MMP16: variants seen among roughly 807,000 people sequenced by gnomAD.
MMP16 encodes matrix metallopeptidase 16.
MMP16 carries 12 observed loss-of-function variants against 67.8 expected under a neutral mutation model. That is an observed-to-expected ratio of 0.18 (90% CI 0.11 to 0.29). MMP16 has a LOEUF of 0.29. MMP16 is among the 10% of genes least tolerant of loss of function. MMP16 has a pLI of 1.00. For missense variants in MMP16, 475 were observed against 765.7 expected (o/e 0.62, Z 4.48); for synonymous variants, 249 against 255.9 (o/e 0.97, Z 0.26).
intron 6 of MMP16, among the ~76,000 whole-genome samples, chr8:88,101,023 C>A (rs60504591): frequency 4.0e-5 from 6 of 150,812 alleles, no homozygotes; most frequent in Non-Finnish European, 8.9e-5. Context: ...ATATACCTAA[C>A]GATGACAAGT....
At chr8:88,302,974 G>T (rs149757128) in intron 1 of MMP16, among the ~76,000 whole-genome samples, 1 of 152,194 alleles carries the variant, frequency 6.6e-6, no homozygotes, top group Admixed American at 6.5e-5. Context: ...TCCCACTCGG[G>T]AAACCACACT....
At chr8:88,300,837 G>C (rs575714650) in intron 1 of MMP16, among the ~76,000 whole-genome samples, 8 of 151,996 alleles carry the variant, frequency 5.3e-5, no homozygotes, top group African/African-American at 1.9e-4. Context: ...TTTTTTTTAA[G>C]AGCCTGAAGT....
intron 7 of MMP16, among the ~76,000 whole-genome samples, chr8:88,070,952 A>G (rs1808543098): frequency 6.6e-6 from 1 of 152,132 alleles, no homozygotes; most frequent in Non-Finnish European, 1.5e-5. Flanking sequence ...AATATATTAC[A>G]TTATATTCTG....
At chr8:88,131,508 A>G (rs1265567443) in intron 4 of MMP16, among the ~76,000 whole-genome samples, 1 of 151,784 alleles carries the variant, frequency 6.6e-6, no homozygotes, top group Non-Finnish European at 1.5e-5. Flanking sequence ...CACACTATTC[A>G]TAGGAGATAC....
intron 3 of MMP16, among the ~76,000 whole-genome samples, chr8:88,168,677 ATGT>A (rs1415294506): frequency 6.6e-6 from 1 of 152,154 alleles, no homozygotes; most frequent in Non-Finnish European, 1.5e-5. Flanking sequence ...ACTAAATCAG[ATGT>A]TTATTTTTTT....
At chr8:88,116,757 A>C in intron 5 of MMP16, 39 bp from the exon 6 acceptor site, 1 of 1,561,708 alleles carries the variant, frequency 6.4e-7, no homozygotes, top group Non-Finnish European at 8.8e-7. Context: ...CTCACTTAAA[A>C]CTGGAATAGA....
chr8:88,245,448 C>T (rs750490283), intron 1 of MMP16, among the ~76,000 whole-genome samples: 5 of 152,136 alleles, frequency 3.3e-5, no homozygotes, highest in Non-Finnish European at 5.9e-5. Flanking sequence ...CTGAGCTAGG[C>T]GCTCTGAGGC....
At chr8:88,195,677 G>A (rs1586199506) in intron 2 of MMP16, among the ~76,000 whole-genome samples, 1 of 152,116 alleles carries the variant, frequency 6.6e-6, no homozygotes, top group East Asian at 1.9e-4. Flanking sequence ...TGATTAGAGG[G>A]CAGCAGGTCC....
At chr8:88,326,487 G>C (rs779649295) in intron 1 of MMP16, among the ~76,000 whole-genome samples, 2 of 151,946 alleles carry the variant, frequency 1.3e-5, no homozygotes, top group African/African-American at 2.4e-5. Flanking sequence ...CTTAAAAAGA[G>C]ATGGATTTCA....
chr8:88,126,617 C>T (rs2118459368), intron 4 of MMP16, among the ~76,000 whole-genome samples: 1 of 151,954 alleles, frequency 6.6e-6, no homozygotes, highest in East Asian at 2.0e-4. Context: ...AATGCGTTAA[C>T]TAACATGATT....
intron 1 of MMP16, among the ~76,000 whole-genome samples, chr8:88,280,966 T>C (rs377707389): frequency 1.3e-5 from 2 of 152,124 alleles, no homozygotes; most frequent in African/African-American, 2.4e-5. Flanking sequence ...TATCAGTACA[T>C]TGCTATTAGC....
intron 1 of MMP16, among the ~76,000 whole-genome samples, chr8:88,273,058 T>A (rs1810591288): frequency 6.6e-6 from 1 of 151,798 alleles, no homozygotes; most frequent in Admixed American, 6.6e-5. Context: ...GTATCCTTCT[T>A]GCTTTGAATA....
At chr8:88,144,752 A>T (rs545844667) in intron 4 of MMP16, among the ~76,000 whole-genome samples, 73 of 152,106 alleles carry the variant, frequency 4.8e-4, no homozygotes, top group African/African-American at 1.6e-3. Context: ...TAAATAAAAA[A>T]CAAGTTTTTT....
At chr8:88,062,345 G>A (rs924813930) in intron 7 of MMP16, among the ~76,000 whole-genome samples, 11 of 152,066 alleles carry the variant, frequency 7.2e-5, no homozygotes, top group Non-Finnish European at 1.5e-4. Context: ...CTGCTATAAA[G>A]ACATATGCAC....
In MMP16 at chr8:88,135,182, A is replaced by G. The variant is rs550000961; in HGVS notation, c.710-16321T>C. 4.0e-3 allele frequency among the ~76,000 whole-genome samples: 613 copies of G among 151,904 alleles called. 6 individuals carry two copies. Among genetic ancestry groups the G allele is most frequent in the African/African-American group, 0.014 (578 of 41,526 alleles). Reference sequence around the variant, plus strand: ...ACATGCATTTATTCATTAAGCAAACATTTATTGAGTATTAGATTAAGTACA... The same window carrying G: ...ACATGCATTTATTCATTAAGCAAACGTTTATTGAGTATTAGATTAAGTACA... On this transcript the variant is annotated intron_variant, in intron 4 of 9. Transcript: ENST00000286614.
chr8:88,159,719 A>T (rs6983807), intron 4 of MMP16, among the ~76,000 whole-genome samples: 8,400 of 152,154 alleles, frequency 0.055, 364 homozygotes, highest in Admixed American at 0.11. Flanking sequence ...CAGTTTTCAA[A>T]GGGAATTCTT....
intron 1 of MMP16, among the ~76,000 whole-genome samples, chr8:88,326,563 T>C (rs1811541621): frequency 6.6e-6 from 1 of 152,008 alleles, no homozygotes. Flanking sequence ...AAAAAAAAGA[T>C]TCTCAAGTGT....
intron 3 of MMP16, among the ~76,000 whole-genome samples, chr8:88,176,614 T>C (rs2129726546): frequency 6.6e-6 from 1 of 152,348 alleles, no homozygotes; most frequent in African/African-American, 2.4e-5. Flanking sequence ...ATGAACTCAC[T>C]CTCATTGTTT....
At chr8:88,259,257 T>C (rs1359956847) in intron 1 of MMP16, among the ~76,000 whole-genome samples, 1 of 152,142 alleles carries the variant, frequency 6.6e-6, no homozygotes, top group Non-Finnish European at 1.5e-5. Flanking sequence ...AAGTCACAAC[T>C]TTAGAAAAAG....
Sources: gnomAD v4.1 joint callset for allele counts (sites outside exome capture counted in the v4.1 genomes callset) on GRCh38, gnomAD v4.1.1 for gene constraint, MANE v1.5 for transcripts, NCBI Gene and HGNC (gene_info 2026-07-23, HGNC 2026-07-21) for gene names.